MACROD2: variants seen among roughly 807,000 people sequenced by gnomAD.
MACROD2 encodes ADP-ribose glycohydrolase MACROD2.
In MACROD2, 36 loss-of-function variants were observed where a neutral mutation model predicts 70.4. That is an observed-to-expected ratio of 0.51 (90% CI 0.39 to 0.68). MACROD2 has a LOEUF of 0.68. Among genes scored for constraint, MACROD2 ranks in the 30% least tolerant of loss-of-function variants. The pLI, the probability that MACROD2 is intolerant of heterozygous loss-of-function variation, is 0.00. For synonymous variants in MACROD2, 172 were observed against 178.8 expected (o/e 0.96, Z 0.30); for missense variants, 496 against 538.4 (o/e 0.92, Z 0.78).
chr20:15,372,084 T>G (rs2045501714), intron 6 of MACROD2, among the ~76,000 whole-genome samples: 1 of 152,222 alleles, frequency 6.6e-6, no homozygotes, highest in Non-Finnish European at 1.5e-5. Flanking sequence ...CCTGATGCAG[T>G]TCTATATTAT....
intron 8 of MACROD2, among the ~76,000 whole-genome samples, chr20:15,767,053 G>C (rs934619404): frequency 6.6e-6 from 1 of 152,214 alleles, no homozygotes; most frequent in Non-Finnish European, 1.5e-5. Context: ...TCTCAGGGCA[G>C]TGCTGCCAAG....
At chr20:15,423,225 C>T (rs1348851919) in intron 6 of MACROD2, among the ~76,000 whole-genome samples, 1 of 152,172 alleles carries the variant, frequency 6.6e-6, no homozygotes, top group Admixed American at 6.5e-5. Context: ...TGATCTGAGA[C>T]TGAGTTTACT....
chr20:15,432,612 CCTAA>C (rs1193213225), intron 7 of MACROD2, among the ~76,000 whole-genome samples: 2 of 152,008 alleles, frequency 1.3e-5, no homozygotes, highest in African/African-American at 4.8e-5. Context: ...TGGCAAATAC[CCTAA>C]CTCTTTATTT....
At chr20:14,308,407 C>T (rs2082538243) in intron 3 of MACROD2, among the ~76,000 whole-genome samples, 1 of 152,072 alleles carries the variant, frequency 6.6e-6, no homozygotes, top group South Asian at 2.1e-4. Context: ...TGACTTTGTC[C>T]AGATCATTTT....
rs965980916 is a variant in MACROD2 at position 14,334,095 on chromosome 20, A to G, written c.272-159384A>G. ...TTTTAGGGTAGGAAAGAGATTATGCATATGCAAAACAAATGAAATTTTAGC... is the reference window on the plus strand; with the variant it reads ...TTTTAGGGTAGGAAAGAGATTATGCGTATGCAAAACAAATGAAATTTTAGC... On this transcript the variant is annotated intron_variant, in intron 3 of 17. Coordinates refer to ENST00000684519, the MANE Select transcript of MACROD2 (RefSeq NM_001351661.2). Among the ~76,000 whole-genome samples the G allele has an allele frequency of 7.9e-5, 12 of 152,234 alleles. No individual in the cohort carries two copies. In the East Asian group the frequency reaches 1.2e-3, roughly 15 times the overall value.
chr20:14,641,066 T>A (rs1027172217), intron 4 of MACROD2, among the ~76,000 whole-genome samples: 1 of 152,258 alleles, frequency 6.6e-6, no homozygotes, highest in African/African-American at 2.4e-5. Flanking sequence ...ATCAGTCCTC[T>A]CAAACCCTGC....
intron 2 of MACROD2, among the ~76,000 whole-genome samples, chr20:14,016,353 T>C (rs2052991162): frequency 6.6e-6 from 1 of 152,210 alleles, no homozygotes; most frequent in Non-Finnish European, 1.5e-5. Flanking sequence ...TTTCTCACAC[T>C]TTGTGGGTCG....
At chr20:14,850,962 T>A (rs541866756) in intron 5 of MACROD2, among the ~76,000 whole-genome samples, 43 of 152,194 alleles carry the variant, frequency 2.8e-4, no homozygotes, top group African/African-American at 9.4e-4. Context: ...ATTTTTTTTT[T>A]AAACCTAGCA....
chr20:15,752,022 G>A (rs1202073365), intron 8 of MACROD2, among the ~76,000 whole-genome samples: 3 of 151,816 alleles, frequency 2.0e-5, no homozygotes, highest in East Asian at 1.9e-4. Flanking sequence ...TCTAGAACTC[G>A]GACTGACATC....
At chr20:14,717,825 T>G (rs2123676652) in intron 5 of MACROD2, among the ~76,000 whole-genome samples, 1 of 152,232 alleles carries the variant, frequency 6.6e-6, no homozygotes, top group East Asian at 1.9e-4. Context: ...CCCTTTGACC[T>G]TCTGGAAGTG....
At chr20:14,325,990 A>T in intron 3 of MACROD2, 2 of 1,613,898 alleles carry the variant, frequency 1.2e-6, no homozygotes, top group East Asian at 4.5e-5. Context: ...AGGGTTGTAC[A>T]TTCGAAGGGG....
intron 3 of MACROD2, among the ~76,000 whole-genome samples, chr20:14,247,983 C>T (rs1953446696): frequency 6.6e-6 from 1 of 152,170 alleles, no homozygotes; most frequent in Non-Finnish European, 1.5e-5. Flanking sequence ...AAGCCTGCTG[C>T]TGTTTGTTGT....
At chr20:15,514,247 C>T (rs2047537757) in intron 8 of MACROD2, among the ~76,000 whole-genome samples, 2 of 152,166 alleles carry the variant, frequency 1.3e-5, no homozygotes, top group Admixed American at 1.3e-4. Flanking sequence ...CAACAGTGTA[C>T]AGTAATGAAC....
intron 15 of MACROD2, among the ~76,000 whole-genome samples, chr20:15,999,877 A>G (rs1005949376): frequency 1.2e-4 from 19 of 152,208 alleles, no homozygotes; most frequent in African/African-American, 4.6e-4. Flanking sequence ...GTGAAAACCC[A>G]GGGTTAGAAT....
chr20:14,517,108 A>G (rs2085109995), intron 4 of MACROD2, among the ~76,000 whole-genome samples: 1 of 152,186 alleles, frequency 6.6e-6, no homozygotes, highest in Admixed American at 6.5e-5. Context: ...AATTATTTCA[A>G]CCATTGTAGA....
chr20:14,959,918 T>A (rs1357466081), intron 5 of MACROD2, among the ~76,000 whole-genome samples: 1 of 152,114 alleles, frequency 6.6e-6, no homozygotes, highest in Non-Finnish European at 1.5e-5. Flanking sequence ...TAGGCCTAGA[T>A]CAGTCTAGAC....
intron 3 of MACROD2, chr20:14,337,539 G>A (rs1425709200): frequency 7.5e-6 from 3 of 398,524 alleles, no homozygotes; most frequent in Admixed American, 4.4e-5. Context: ...GGCAGCTGCA[G>A]GCTGAGCTTG....
intron 5 of MACROD2, among the ~76,000 whole-genome samples, chr20:15,020,750 G>T: frequency 6.6e-6 from 1 of 151,946 alleles, no homozygotes; most frequent in East Asian, 1.9e-4. Context: ...CAATGTTAAC[G>T]ATTTGTGTAT....
At position 15,773,247 on chromosome 20, in the gene MACROD2, A is replaced by G. The variant is rs183770009; in HGVS notation, c.646-89498A>G. Among the ~76,000 whole-genome samples the G allele has an allele frequency of 3.0e-3, 444 of 145,934 alleles. 2 individuals are homozygous for G. Among genetic ancestry groups the G allele is most frequent in the Admixed American group, 5.2e-3 (77 of 14,798 alleles). On this transcript the variant is annotated intron_variant, in intron 8 of 17. Coordinates refer to ENST00000684519, the MANE Select transcript of MACROD2 (RefSeq NM_001351661.2). ...GTGATTTCACTTGACCTCAAGTGAC[A>G]TGATACAGTTTTAAGAATGTCACAG...
Sources: gnomAD v4.1 joint callset for allele counts (sites outside exome capture counted in the v4.1 genomes callset) on GRCh38, gnomAD v4.1.1 for gene constraint, MANE v1.5 for transcripts, NCBI Gene and HGNC (gene_info 2026-07-23, HGNC 2026-07-21) for gene names.